Variants in SPOCK1 observed in about 807,000 individuals in gnomAD.
The protein encoded by SPOCK1 is SPARC (osteonectin), cwcv and kazal like domains proteoglycan 1.
In SPOCK1, 23 loss-of-function variants were observed where a neutral mutation model predicts 55.3. The observed-to-expected ratio is 0.42, with a 90% CI of 0.30 to 0.59. SPOCK1 has a LOEUF of 0.59. Ranked by LOEUF, SPOCK1 falls within the 20% of genes least tolerant of loss-of-function variation. The probability of loss-of-function intolerance (pLI) is 0.22; values close to 1 mark genes in which losing one functional copy is unlikely to be tolerated. For synonymous variants in SPOCK1, 226 were observed against 221.0 expected, an observed-to-expected ratio of 1.02 and a Z score of -0.20; for missense variants, 499 against 552.5, an observed-to-expected ratio of 0.90 and a Z score of 0.97.
intron 2 of SPOCK1, among the ~76,000 whole-genome samples, chr5:137,356,873 A>AGAGTGAGT (rs1554077352): frequency 1.4e-5 from 1 of 69,822 alleles, no homozygotes; most frequent in African/African-American, 7.3e-5. Flanking sequence ...AGAGAGAGAG[A>AGAGTGAGT]GAGTATGCAG....
chr5:137,316,883 GA>G (rs1757890041), intron 2 of SPOCK1, among the ~76,000 whole-genome samples: 1 of 152,194 alleles, frequency 6.6e-6, no homozygotes. Context: ...GTGCCCACTG[GA>G]AAACAAATCT....
chr5:137,353,499 C>T (rs1334840257), intron 2 of SPOCK1, among the ~76,000 whole-genome samples: 2 of 152,198 alleles, frequency 1.3e-5, no homozygotes, highest in East Asian at 3.8e-4. Context: ...GCTGACCCCA[C>T]ACCTGCCACC....
intron 2 of SPOCK1, among the ~76,000 whole-genome samples, chr5:137,399,521 A>T (rs1580904492): frequency 6.9e-6 from 1 of 145,616 alleles, no homozygotes; most frequent in African/African-American, 2.5e-5. Context: ...TTTAAGTATT[A>T]AAAAAAAAAA....
At chr5:137,139,966 A>G (rs548605828) in intron 4 of SPOCK1, among the ~76,000 whole-genome samples, 1 of 152,294 alleles carries the variant, frequency 6.6e-6, no homozygotes, top group South Asian at 2.1e-4. Flanking sequence ...GGGTAAAAGC[A>G]ATGGCTTTAA....
intron 5 of SPOCK1, among the ~76,000 whole-genome samples, chr5:137,094,802 T>C (rs1753112122): frequency 6.6e-6 from 1 of 152,388 alleles, no homozygotes; most frequent in South Asian, 2.1e-4. Flanking sequence ...GATAGCATTT[T>C]AATTTCCTCC....
Position 137,445,011 on chromosome 5 carries a change from G to T in SPOCK1, c.186+53362C>A, listed in dbSNP as rs548820469. On this transcript the variant is annotated intron_variant, in intron 2 of 10. Transcript: ENST00000394945. ...CTCAATCAACTGTAGGTATCTGGCA[G>T]GATGCTTCCAGACAGAATGGCCATG... Among the ~76,000 whole-genome samples, 92 of 152,304 alleles carry T rather than the reference G, an allele frequency of 6.0e-4. 1 individual carries two copies. The highest frequency in any genetic ancestry group is 4.6e-4 in the Admixed American group (7 of 15,292).
rs1753923168 is a variant in SPOCK1, at chr5:137,480,335, A to T, written c.186+18038T>A. On this transcript the variant is annotated intron_variant, in intron 2 of 10. Coordinates refer to ENST00000394945, the MANE Select transcript of SPOCK1 (RefSeq NM_004598.4). ...CACACACACACACACACACACACAC[A>T]CACACACACTCATTCACTTGTATTA... Among the ~76,000 whole-genome samples the T allele has an allele frequency of 3.3e-5, 5 of 151,396 alleles. 1 individual carries two copies. Among genetic ancestry groups the T allele is most frequent in the Middle Eastern group, 6.8e-3 (2 of 292 alleles).
chr5:137,338,156 C>A (rs1038069104), intron 2 of SPOCK1, among the ~76,000 whole-genome samples: 3 of 152,018 alleles, frequency 2.0e-5, no homozygotes, highest in African/African-American at 7.3e-5. Context: ...TCTCCTAATG[C>A]TATCCCTTCC....
At chr5:137,259,616 T>A (rs1416695070) in intron 3 of SPOCK1, among the ~76,000 whole-genome samples, 2 of 149,804 alleles carry the variant, frequency 1.3e-5, no homozygotes, top group Admixed American at 6.7e-5. Context: ...TCTGCACATG[T>A]GCCCCAGAAC....
chr5:136,980,019 C>T (rs1359756073), intron 9 of SPOCK1, among the ~76,000 whole-genome samples: 1 of 152,140 alleles, frequency 6.6e-6, no homozygotes, highest in East Asian at 1.9e-4. Context: ...ATGAACAACA[C>T]CAGTCTGTGG....
rs570661654 is a variant in SPOCK1 at position 137,055,838 on chromosome 5, G to T, written c.589+11877C>A. Among the ~76,000 whole-genome samples the T allele has an allele frequency of 7.9e-4, 121 of 152,214 alleles. 1 individual carries two copies. The highest frequency in any genetic ancestry group is 2.7e-3 in the African/African-American group (114 of 41,524). ...CTTCTGATGATGGCATCTTCCCAGT[G>T]CAGAGGAGCCAGAAACGCACAGCAG... On this transcript the variant is annotated intron_variant, in intron 6 of 10. Transcript: ENST00000394945.
intron 3 of SPOCK1, among the ~76,000 whole-genome samples, chr5:137,209,075 T>C (rs1755566061): frequency 6.6e-6 from 1 of 152,208 alleles, no homozygotes; most frequent in African/African-American, 2.4e-5. Context: ...GCTTGTTTTA[T>C]AGGAGTGTTG....
chr5:137,408,931 T>C (rs1309630992), intron 2 of SPOCK1, among the ~76,000 whole-genome samples: 1 of 152,082 alleles, frequency 6.6e-6, no homozygotes, highest in Non-Finnish European at 1.5e-5. Context: ...ACTGGGTGAG[T>C]GGGAAGACAG....
chr5:137,296,434 T>C (rs1313794019), intron 2 of SPOCK1, among the ~76,000 whole-genome samples: 1 of 152,092 alleles, frequency 6.6e-6, no homozygotes, highest in African/African-American at 2.4e-5. Flanking sequence ...AGGCTGGGCG[T>C]CCAAGTAATG....
At chr5:137,484,166 G>A (rs1372637091) in intron 2 of SPOCK1, among the ~76,000 whole-genome samples, 1 of 152,162 alleles carries the variant, frequency 6.6e-6, no homozygotes, top group Non-Finnish European at 1.5e-5. Flanking sequence ...ATTGCACCAG[G>A]AGCAGGGCAT....
At chr5:137,019,484 T>A (rs1751517736) in intron 6 of SPOCK1, among the ~76,000 whole-genome samples, 1 of 152,130 alleles carries the variant, frequency 6.6e-6, no homozygotes, top group Non-Finnish European at 1.5e-5. Context: ...AAATATGATG[T>A]CATATTTGTA....
At chr5:137,379,369 C>T (rs1751406917) in intron 2 of SPOCK1, among the ~76,000 whole-genome samples, 3 of 151,912 alleles carry the variant, frequency 2.0e-5, no homozygotes, top group Admixed American at 6.6e-5. Context: ...CCTTCAAACA[C>T]GAGAGATCAA....
At chr5:137,410,969 T>C (rs1359771738) in intron 2 of SPOCK1, among the ~76,000 whole-genome samples, 8 of 152,194 alleles carry the variant, frequency 5.3e-5, no homozygotes, top group Non-Finnish European at 1.0e-4. Flanking sequence ...GTTTGTTTCC[T>C]AGTGTCCTGC....
At chr5:136,998,613 G>A (rs1243575224) in intron 6 of SPOCK1, among the ~76,000 whole-genome samples, 1 of 152,182 alleles carries the variant, frequency 6.6e-6, no homozygotes, top group Non-Finnish European at 1.5e-5. Context: ...CAAAATATCA[G>A]GCCTTGCCTT....
Sources: gnomAD v4.1 joint callset for allele counts (sites outside exome capture counted in the v4.1 genomes callset) on GRCh38, gnomAD v4.1.1 for gene constraint, MANE v1.5 for transcripts, NCBI Gene and HGNC (gene_info 2026-07-23, HGNC 2026-07-21) for gene names.